SLC35D1: variants seen among roughly 807,000 people sequenced by gnomAD.
The protein encoded by SLC35D1 is solute carrier family 35 member D1, also known as nucleotide sugar transporter SLC35D1.
Under a neutral mutation model 46.7 loss-of-function variants are expected in SLC35D1, and 31 were observed. The observed-to-expected ratio is 0.66, with a 90% confidence interval of 0.50 to 0.90. The LOEUF (loss-of-function observed/expected upper bound fraction) is 0.90. SLC35D1 is among the 40% of genes least tolerant of loss of function. The pLI is 0.00. For synonymous variants in SLC35D1, 195 were observed against 164.6 expected (o/e 1.18, Z -1.41); for missense variants, 397 against 426.2 (o/e 0.93, Z 0.60).
the SLC35D1 span, among the ~76,000 whole-genome samples, chr1:66,974,946 T>G: frequency 5.3e-5 from 8 of 152,180 alleles, no homozygotes; most frequent in Non-Finnish European, 7.4e-5. Flanking sequence ...TACAGTTGAC[T>G]TAGTTCGAAT....
Position 67,042,324 on chromosome 1 carries a change from A to G in SLC35D1, c.641T>C (p.Leu214Pro). 1 of 1,614,046 alleles carries G rather than the reference A, an allele frequency of 6.2e-7. No homozygotes were observed. The highest frequency in any genetic ancestry group is 8.5e-7 in the Non-Finnish European group (1 of 1,179,906). Residue 214 changes from leucine to proline, a missense_variant, in exon 8 of 12, where the codon CTG (leucine) becomes CCG (proline). Physicochemically the swap from Leu to Pro is moderately conservative, Grantham distance 98. Coordinates refer to ENST00000235345, the MANE Select transcript of SLC35D1 (RefSeq NM_015139.3). ...YVKQKLDSKELGKYGLLYYNA... is the reference protein window; with the variant it reads ...YVKQKLDSKEPGKYGLLYYNA... ...GTAATAGAGCAGTCCATATTTTCCC[A>G]GCTCCTAGGACAGTAAATAATTAGG...
chr1:67,007,354 C>T (rs1667472651), intron 11 of SLC35D1, among the ~76,000 whole-genome samples: 1 of 152,158 alleles, frequency 6.6e-6, no homozygotes, highest in Non-Finnish European at 1.5e-5. Flanking sequence ...GGGCACTAAT[C>T]TCATTCATGA....
intron 8 of SLC35D1, among the ~76,000 whole-genome samples, chr1:67,036,710 CTTT>C (rs56674117): frequency 1.6e-3 from 231 of 144,404 alleles, no homozygotes; most frequent in African/African-American, 4.2e-3. Flanking sequence ...ATCACTGGGT[CTTT>C]TTTTTTTTTT....
intron 3 of SLC35D1, 115 bp downstream of exon 3, chr1:67,052,656 C>T: frequency 9.9e-7 from 1 of 1,006,776 alleles, no homozygotes; most frequent in Non-Finnish European, 1.5e-6. Context: ...ATTATAACCA[C>T]TCTAGACTGG....
intron 8 of SLC35D1, among the ~76,000 whole-genome samples, chr1:67,030,958 G>A (rs1668006503): frequency 6.6e-6 from 1 of 152,090 alleles, no homozygotes; most frequent in South Asian, 2.1e-4. Context: ...CCAGAAGACG[G>A]GTAACTTACT....
chr1:67,053,935 C>T lies in SLC35D1; in HGVS notation c.79G>A (p.Glu27Lys). The change falls in exon 1 of 12, where the codon GAG (glutamate) becomes AAG (lysine). Residue 27 changes from glutamate (E) to lysine (K), a missense_variant. Physicochemically the swap from Glu to Lys is moderately conservative, Grantham distance 56. Coordinates refer to ENST00000235345, the MANE Select transcript of SLC35D1 (RefSeq NM_015139.3). ...PAKSSTLRDEEELGMASAETL... is the reference protein window; with the variant it reads ...PAKSSTLRDEKELGMASAETL... ...TCGGCCGACGCCATCCCCAGCTCCT[C>T]CTCATCTCGGAGTGTGGAGGATTTC... 6.2e-7 allele frequency: 1 copy of T among 1,613,816 alleles called. No individual in the cohort carries two copies. The highest frequency in any genetic ancestry group is 8.5e-7 in the Non-Finnish European group (1 of 1,179,752).
rs187427106 is a variant in SLC35D1 at position 67,046,324 on chromosome 1, A to G, written c.636+941T>C. 2.1e-3 allele frequency among the ~76,000 whole-genome samples: 321 copies of G among 152,346 alleles called. 1 individual carries two copies. Among genetic ancestry groups the G allele is most frequent in the Middle Eastern group, 6.8e-3 (2 of 294 alleles). On this transcript the variant is annotated intron_variant, in intron 7 of 11. Transcript: ENST00000235345. ...GGTAGGACACTTGTATTTATTTATT[A>G]TCTAAGCTCCCAAAAAGGAACTTAA...
chr1:66,986,591 C>T, the SLC35D1 span: 36 of 812,274 alleles, frequency 4.4e-5, no homozygotes, highest in Non-Finnish European at 5.7e-5. Context: ...AACATATGTT[C>T]GGACTGCTTC....
intron 8 of SLC35D1, among the ~76,000 whole-genome samples, chr1:67,041,827 TA>T (rs1408215969): frequency 6.6e-5 from 10 of 152,214 alleles, no homozygotes; most frequent in Non-Finnish European, 1.3e-4. Context: ...AACTGTACAC[TA>T]AAACTGAGAA....
intron 7 of SLC35D1, among the ~76,000 whole-genome samples, chr1:67,046,604 T>A (rs1267385275): frequency 6.6e-6 from 1 of 152,212 alleles, no homozygotes; most frequent in Non-Finnish European, 1.5e-5. Context: ...CACCCTAGGA[T>A]ATATAAAGTT....
chr1:66,993,282 G>GTTTC, the SLC35D1 span, among the ~76,000 whole-genome samples: 9 of 152,184 alleles, frequency 5.9e-5, no homozygotes, highest in African/African-American at 2.2e-4. Context: ...GGAACTTCCA[G>GTTTC]TAGTAGAAAC....
At chr1:66,989,095 T>C in the SLC35D1 span, among the ~76,000 whole-genome samples, 3 of 152,176 alleles carry the variant, frequency 2.0e-5, no homozygotes, top group Non-Finnish European at 4.4e-5. Flanking sequence ...ATTTTGTCTT[T>C]TAAAAAAAAA....
intron 8 of SLC35D1, among the ~76,000 whole-genome samples, chr1:67,031,611 G>A (rs796641659): frequency 6.6e-6 from 1 of 151,584 alleles, no homozygotes; most frequent in Non-Finnish European, 1.5e-5. Context: ...ATGGCTCCAC[G>A]TGGTTACCAA....
At chr1:66,993,680 T>C in the SLC35D1 span, among the ~76,000 whole-genome samples, 11 of 152,254 alleles carry the variant, frequency 7.2e-5, no homozygotes, top group East Asian at 2.1e-3. Flanking sequence ...TGTCCAACAA[T>C]GAAACTTTCC....
chr1:67,007,461 C>T (rs1348889858), intron 11 of SLC35D1, among the ~76,000 whole-genome samples: 1 of 120,390 alleles, frequency 8.3e-6, no homozygotes, highest in African/African-American at 3.3e-5. Flanking sequence ...GGAACACAAA[C>T]ATTCAGACCA....
chr1:66,981,211 G>C, the SLC35D1 span, among the ~76,000 whole-genome samples: 2 of 152,116 alleles, frequency 1.3e-5, no homozygotes, highest in Admixed American at 1.3e-4. Flanking sequence ...ATGATTTAGA[G>C]AAGAAATGAG....
the SLC35D1 span, among the ~76,000 whole-genome samples, chr1:66,977,699 T>C: frequency 6.6e-6 from 1 of 152,194 alleles, no homozygotes; most frequent in Non-Finnish European, 1.5e-5. Flanking sequence ...AAAAGAGTAT[T>C]GAACCCCTTG....
intron 3 of SLC35D1, among the ~76,000 whole-genome samples, chr1:67,052,441 G>C (rs1645319548): frequency 6.6e-6 from 1 of 152,118 alleles, no homozygotes; most frequent in Non-Finnish European, 1.5e-5. Context: ...AGCAGAGGCA[G>C]ACAGTATAAA....
the SLC35D1 span, chr1:66,988,198 CA>C: frequency 2.0e-5 from 3 of 152,236 alleles, no homozygotes; most frequent in African/African-American, 7.2e-5. Context: ...TGTGGAAAAC[CA>C]TGTAACATAC....
Sources: allele counts gnomAD v4.1 joint callset (sites outside exome capture counted in the v4.1 genomes callset), GRCh38; gene constraint gnomAD v4.1.1; transcripts MANE v1.5; gene names NCBI Gene and HGNC (gene_info 2026-07-23, HGNC 2026-07-21).